Variants in CTNNA3 observed in about 807,000 individuals in gnomAD.
CTNNA3 encodes catenin alpha 3.
In CTNNA3, 76 loss-of-function variants were observed where a neutral mutation model predicts 95.7. The ratio of observed to expected loss-of-function variants is 0.79; its 90% CI spans 0.66 to 0.96. CTNNA3 has a LOEUF of 0.96. CTNNA3 is among the 40% of genes least tolerant of loss of function. CTNNA3 has a pLI of 0.00. For synonymous variants in CTNNA3, 431 were observed against 374.4 expected (o/e 1.15, Z -1.74); for missense variants, 1,191 against 1,089.8 (o/e 1.09, Z -1.31).
intron 12 of CTNNA3, among the ~76,000 whole-genome samples, chr10:66,348,892 T>C (rs2092545671): frequency 6.6e-6 from 1 of 152,076 alleles, no homozygotes; most frequent in African/African-American, 2.4e-5. Flanking sequence ...CCAGGGGATT[T>C]ATGGTTTAGG....
chr10:67,455,540 C>G (rs776604985), intron 5 of CTNNA3, among the ~76,000 whole-genome samples: 37 of 152,128 alleles, frequency 2.4e-4, no homozygotes, highest in Non-Finnish European at 4.6e-4. Flanking sequence ...CTGGCAAACA[C>G]TACATTGGTC....
chr10:65,992,744 T>C lies in CTNNA3; in HGVS notation c.2160-3947A>G, dbSNP rs2078570690. Among the ~76,000 whole-genome samples the C allele has an allele frequency of 2.0e-5, 3 of 152,240 alleles. No homozygotes were observed. The South Asian group carries it at 6.2e-4, about 32-fold the overall frequency. The stretch of plus-strand genomic sequence containing the variant: ...TTTTAGTCTCTGTATCATTTAGTTC[T>C]GTTCTTATCTTTATTACTTATTTTC... On this transcript the variant is annotated intron_variant, in intron 15 of 17. Coordinates refer to ENST00000433211, the MANE Select transcript of CTNNA3 (RefSeq NM_013266.4).
intron 5 of CTNNA3, among the ~76,000 whole-genome samples, chr10:67,245,909 A>T (rs1865887005): frequency 6.6e-6 from 1 of 151,932 alleles, no homozygotes; most frequent in Non-Finnish European, 1.5e-5. Context: ...GGGAAGACAG[A>T]TAAAGGGCAT....
chr10:65,949,657 C>T (rs1786924), intron 17 of CTNNA3, among the ~76,000 whole-genome samples: 71,262 of 151,924 alleles, frequency 0.47, 17,262 homozygotes, highest in African/African-American at 0.58. Context: ...GACCTCAGAG[C>T]GGGTTGTGAA....
intron 2 of CTNNA3, among the ~76,000 whole-genome samples, chr10:67,615,226 A>G (rs988296176): frequency 8.5e-5 from 13 of 152,252 alleles, no homozygotes; most frequent in African/African-American, 2.9e-4. Context: ...CACTGCTAAC[A>G]TAAGCCATTA....
chr10:66,375,588 C>CAAAAAA (rs147027212), intron 12 of CTNNA3, among the ~76,000 whole-genome samples: 1 of 143,218 alleles, frequency 7.0e-6, no homozygotes, highest in African/African-American at 2.5e-5. Context: ...AGCTGCAATG[C>CAAAAAA]CAAAAAAAAA....
At chr10:66,568,862 C>A (rs1281221481) in intron 10 of CTNNA3, among the ~76,000 whole-genome samples, 1 of 151,866 alleles carries the variant, frequency 6.6e-6, no homozygotes, top group East Asian at 1.9e-4. Flanking sequence ...AGGAAACCAA[C>A]CTGGGAAGCG....
At chr10:67,760,151 G>C (rs1841454892) in intron 1 of CTNNA3, among the ~76,000 whole-genome samples, 1 of 152,190 alleles carries the variant, frequency 6.6e-6, no homozygotes, top group African/African-American at 2.4e-5. Flanking sequence ...CAATGGCAGA[G>C]GGGTGGTGCC....
chr10:65,921,479 G>A (rs571414462), intron 17 of CTNNA3, among the ~76,000 whole-genome samples: 8 of 152,370 alleles, frequency 5.3e-5, no homozygotes, highest in Non-Finnish European at 8.8e-5. Context: ...CACAGAGATT[G>A]TGTCAAAACA....
intron 6 of CTNNA3, among the ~76,000 whole-genome samples, chr10:67,218,314 T>C (rs1331388465): frequency 6.6e-6 from 1 of 152,162 alleles, no homozygotes; most frequent in Non-Finnish European, 1.5e-5. Context: ...GCAAAAGTAA[T>C]ACATATTCAG....
chr10:67,053,107 T>C (rs74141775), intron 7 of CTNNA3, among the ~76,000 whole-genome samples: 1,909 of 152,298 alleles, frequency 0.013, 47 homozygotes, highest in African/African-American at 0.044. Context: ...TAATACTGCT[T>C]TGTAATGGTA....
chr10:66,225,420 T>TATATATATATAA (rs1292280868), intron 13 of CTNNA3, among the ~76,000 whole-genome samples: 1 of 138,892 alleles, frequency 7.2e-6, no homozygotes, highest in South Asian at 2.3e-4. Context: ...TATATATATA[T>TATATATATATAA]ATGAATGAAT....
chr10:66,156,008 A>G (rs548472845), intron 13 of CTNNA3, among the ~76,000 whole-genome samples: 1 of 152,098 alleles, frequency 6.6e-6, no homozygotes, highest in East Asian at 1.9e-4. Context: ...TGGCCAAAAT[A>G]GTATATTTTA....
At chr10:67,563,046 T>G (rs1841590789) in intron 3 of CTNNA3, among the ~76,000 whole-genome samples, 1 of 152,040 alleles carries the variant, frequency 6.6e-6, no homozygotes, top group South Asian at 2.1e-4. Flanking sequence ...ATCAATATCA[T>G]GAAAATGGCC....
intron 16 of CTNNA3, among the ~76,000 whole-genome samples, chr10:65,969,569 C>T (rs944606701): frequency 2.0e-5 from 3 of 152,096 alleles, no homozygotes; most frequent in Non-Finnish European, 4.4e-5. Flanking sequence ...AGATAAACAT[C>T]TTTAAAATAT....
At chr10:66,575,140 G>A (rs764090553) in intron 10 of CTNNA3, among the ~76,000 whole-genome samples, 6 of 152,138 alleles carry the variant, frequency 3.9e-5, no homozygotes, top group Non-Finnish European at 8.8e-5. Context: ...GTCCTAGCCA[G>A]TATCTCTTTT....
At chr10:67,366,304 C>T (rs1843216577) in intron 5 of CTNNA3, among the ~76,000 whole-genome samples, 1 of 151,994 alleles carries the variant, frequency 6.6e-6, no homozygotes, top group Admixed American at 6.6e-5. Context: ...ACATGTATAC[C>T]TATGTAACAA....
At chr10:66,522,802 T>A (rs1017920640) in intron 10 of CTNNA3, among the ~76,000 whole-genome samples, 5 of 151,888 alleles carry the variant, frequency 3.3e-5, no homozygotes, top group African/African-American at 1.2e-4. Flanking sequence ...AGTTTATTTT[T>A]GTGCAAAAAT....
intron 6 of CTNNA3, among the ~76,000 whole-genome samples, chr10:67,184,614 T>C (rs1862746191): frequency 6.6e-6 from 1 of 152,172 alleles, no homozygotes; most frequent in African/African-American, 2.4e-5. Context: ...ACAAGATTAA[T>C]TTTTTTCCCA....
Sources: gnomAD v4.1 joint callset for allele counts (sites outside exome capture counted in the v4.1 genomes callset) on GRCh38, gnomAD v4.1.1 for gene constraint, MANE v1.5 for transcripts, NCBI Gene and HGNC (gene_info 2026-07-23, HGNC 2026-07-21) for gene names.